SPATS2: variants seen among roughly 807,000 people sequenced by gnomAD.
SPATS2 encodes spermatogenesis-associated serine-rich protein 2.
In SPATS2, 38 loss-of-function variants were observed where a neutral mutation model predicts 63.7. The observed-to-expected ratio is 0.60, with a 90% CI of 0.46 to 0.78. SPATS2 has a LOEUF of 0.78. Ranked by LOEUF, SPATS2 falls within the 30% of genes least tolerant of loss-of-function variation. The pLI, the probability that SPATS2 is intolerant of heterozygous loss-of-function variation, is 0.00. For missense variants in SPATS2, 588 were observed against 666.2 expected (o/e 0.88, Z 1.29); for synonymous variants, 207 against 232.9 (o/e 0.89, Z 1.01).
At chr12:49,495,701 G>T (rs1946454020) in intron 7 of SPATS2, among the ~76,000 whole-genome samples, 1 of 152,120 alleles carries the variant, frequency 6.6e-6, no homozygotes, top group Non-Finnish European at 1.5e-5. Context: ...CGGCATAAAT[G>T]GGTTAATAGC....
chr12:49,464,335 C>T (rs11169033), intron 3 of SPATS2, among the ~76,000 whole-genome samples: 2 of 151,458 alleles, frequency 1.3e-5, no homozygotes, highest in Non-Finnish European at 2.9e-5. Context: ...AAGACTCTGT[C>T]TTAGCCAGGT....
intron 2 of SPATS2, among the ~76,000 whole-genome samples, chr12:49,434,159 C>G (rs1180960401): frequency 6.6e-6 from 1 of 152,162 alleles, no homozygotes; most frequent in Admixed American, 6.6e-5. Flanking sequence ...TATGCCAGTA[C>G]TACACTGTTT....
At chr12:49,512,866 T>A (rs772072869) in intron 9 of SPATS2, 1 of 1,288,796 alleles carries the variant, frequency 7.8e-7, no homozygotes. Flanking sequence ...TTTTAGGTAT[T>A]CCAATGCTGC....
chr12:49,438,460 G>T (rs1273634845), intron 2 of SPATS2, among the ~76,000 whole-genome samples: 1 of 152,160 alleles, frequency 6.6e-6, no homozygotes, highest in Non-Finnish European at 1.5e-5. Flanking sequence ...GAGTGAAGTT[G>T]CTGGGTCATA....
intron 2 of SPATS2, among the ~76,000 whole-genome samples, chr12:49,373,628 A>G (rs949071850): frequency 1.3e-5 from 2 of 151,764 alleles, no homozygotes; most frequent in African/African-American, 2.4e-5. Context: ...TGTCTCTGCA[A>G]ACAATTAAAA....
At chr12:49,421,315 G>A (rs956112457) in intron 2 of SPATS2, among the ~76,000 whole-genome samples, 1 of 150,400 alleles carries the variant, frequency 6.6e-6, no homozygotes, top group African/African-American at 2.4e-5. Flanking sequence ...CTACATGGGA[G>A]GCTGAGGCAG....
At chr12:49,442,889 C>A (rs980340113) in intron 2 of SPATS2, among the ~76,000 whole-genome samples, 2 of 145,732 alleles carry the variant, frequency 1.4e-5, no homozygotes, top group Non-Finnish European at 3.0e-5. Flanking sequence ...ACTCTTTATT[C>A]ATTAAACATC....
In SPATS2 at chr12:49,367,462, G is replaced by T. The variant is rs1347517506; in HGVS notation, c.-432G>T. 2 of 400,868 alleles carry T rather than the reference G, an allele frequency of 5.0e-6. No homozygotes were observed. The highest frequency in any genetic ancestry group is 4.1e-5 in the African/African-American group (2 of 48,534). The allele number at this position is 400,868 out of a possible 1,614,324, so 24.8% of individuals were successfully genotyped here. On this transcript the variant is annotated 5_prime_UTR_variant, in exon 1 of 14. Transcript: ENST00000552918. ...GAGAGAGCTGGGGGAGGAGCGCGGC[G>T]GCGACGGCGGCGGTGGCTCTAGAAG...
At chr12:49,437,766 C>T (rs1027079422) in intron 2 of SPATS2, among the ~76,000 whole-genome samples, 5 of 152,074 alleles carry the variant, frequency 3.3e-5, no homozygotes, top group South Asian at 2.1e-4. Context: ...TGCAGTGAGC[C>T]GAGATGGCAG....
chr12:49,469,770 C>G (rs1334798154), intron 3 of SPATS2, among the ~76,000 whole-genome samples: 1 of 151,478 alleles, frequency 6.6e-6, no homozygotes, highest in Non-Finnish European at 1.5e-5. Flanking sequence ...CGCCTGTAAT[C>G]CCAGCTGCTT....
chr12:49,399,255 G>A lies in SPATS2; in HGVS notation c.-244+27965G>A, dbSNP rs77036584. Among the ~76,000 whole-genome samples the A allele has an allele frequency of 6.5e-4, 99 of 152,146 alleles. 1 individual carries two copies. The East Asian group carries it at 0.018, about 28-fold the overall frequency. ...GTTTTGTAAAGCTTGTTTTAAGAAA[G>A]CAGCACTCCTTCCTTTATTTCCCTT... On this transcript the variant is annotated intron_variant, in intron 2 of 13. Coordinates refer to ENST00000552918, the MANE Select transcript of SPATS2 (RefSeq NM_023071.4).
At chr12:49,503,603 C>A (rs142886131) in intron 9 of SPATS2, among the ~76,000 whole-genome samples, 2 of 150,906 alleles carry the variant, frequency 1.3e-5, no homozygotes, top group African/African-American at 2.4e-5. Context: ...GAGCCAAGAT[C>A]GCGCCACTGC....
At position 49,507,863 on chromosome 12, in the gene SPATS2, T is replaced by C. The variant is rs556618416; in HGVS notation, c.840-6692T>C. Among the ~76,000 whole-genome samples, 8 of 152,360 alleles carry C rather than the reference T, an allele frequency of 5.3e-5. No homozygotes were observed. In the South Asian group the frequency reaches 1.7e-3, roughly 32 times the overall value. ...ACGATTGCATTTTACTAAAGAGATA[T>C]TCTGCTGAAACTGAGAAATCAAGAT... On this transcript the variant is annotated intron_variant, in intron 9 of 13. Coordinates refer to ENST00000552918, the MANE Select transcript of SPATS2 (RefSeq NM_023071.4).
At chr12:49,516,463 T>C (rs1946852490) in intron 10 of SPATS2, among the ~76,000 whole-genome samples, 1 of 151,586 alleles carries the variant, frequency 6.6e-6, no homozygotes, top group Non-Finnish European at 1.5e-5. Context: ...ATCCCAGCAC[T>C]CTGGGAGGCC....
intron 2 of SPATS2, among the ~76,000 whole-genome samples, chr12:49,396,676 A>G (rs1944517752): frequency 6.6e-6 from 1 of 152,216 alleles, no homozygotes; most frequent in African/African-American, 2.4e-5. Flanking sequence ...AACTTTTTCC[A>G]TTCCTAGTCC....
At chr12:49,469,551 A>G (rs1945995758) in intron 3 of SPATS2, 2 of 430,284 alleles carry the variant, frequency 4.6e-6, no homozygotes, top group South Asian at 3.4e-5. Context: ...CTAAAAAAAA[A>G]AAAAAAAAAA....
At chr12:49,392,483 C>T (rs1056979219) in intron 2 of SPATS2, among the ~76,000 whole-genome samples, 1 of 152,102 alleles carries the variant, frequency 6.6e-6, no homozygotes, top group Admixed American at 6.6e-5. Flanking sequence ...GTTTGGGAGG[C>T]GGGTGAATCA....
chr12:49,504,770 C>CTTTTTTTTTTTTTTTTTTTTTT (rs745453843), intron 9 of SPATS2, among the ~76,000 whole-genome samples: 2 of 98,852 alleles, frequency 2.0e-5, no homozygotes, highest in Non-Finnish European at 2.1e-5. Flanking sequence ...TTCTTTCTTT[C>CTTTTTTTTTTTTTTTTTTTTTT]TTTTTTTTTT....
intron 2 of SPATS2, among the ~76,000 whole-genome samples, chr12:49,451,362 TTAAC>T (rs1945620331): frequency 6.6e-6 from 1 of 152,178 alleles, no homozygotes; most frequent in Non-Finnish European, 1.5e-5. Flanking sequence ...ATAGCCCAAT[TTAAC>T]TAAATTAATG....
Sources: gnomAD v4.1 joint callset for allele counts (sites outside exome capture counted in the v4.1 genomes callset) on GRCh38, gnomAD v4.1.1 for gene constraint, MANE v1.5 for transcripts, NCBI Gene and HGNC (gene_info 2026-07-23, HGNC 2026-07-21) for gene names.